Variants in CHL1 observed in about 807,000 individuals in gnomAD.
CHL1 encodes cell adhesion molecule L1 like.
In CHL1, 96 loss-of-function variants were observed where a neutral mutation model predicts 141.9. The ratio of observed to expected loss-of-function variants is 0.68; its 90% confidence interval spans 0.57 to 0.80. CHL1 has a LOEUF of 0.80. CHL1 is among the 30% of genes least tolerant of loss of function. The pLI, the probability that CHL1 is intolerant of heterozygous loss-of-function variation, is 0.00. For missense variants in CHL1, 1,820 were observed against 1,457.2 expected (o/e 1.25, Z -4.05); for synonymous variants, 613 against 502.2 (o/e 1.22, Z -2.95).
chr3:368,720 G>A (rs2217699), intron 15 of CHL1, among the ~76,000 whole-genome samples: 1 of 151,970 alleles, frequency 6.6e-6, no homozygotes, highest in Non-Finnish European at 1.5e-5. Flanking sequence ...GTTTTTAATG[G>A]TTTTGGGTTT....
chr3:312,533 A>G (rs929203700), intron 2 of CHL1, among the ~76,000 whole-genome samples: 1 of 152,204 alleles, frequency 6.6e-6, no homozygotes, highest in Admixed American at 6.5e-5. Flanking sequence ...TCAGCTTCAC[A>G]ATGTTGAGTG....
chr3:355,722 G>A (rs780963805), intron 11 of CHL1, among the ~76,000 whole-genome samples: 16 of 152,008 alleles, frequency 1.1e-4, no homozygotes, highest in South Asian at 2.1e-4. Context: ...CCAAGCTTAC[G>A]TTTTTTAAAC....
intron 15 of CHL1, among the ~76,000 whole-genome samples, chr3:368,915 G>A (rs1160129587): frequency 1.3e-5 from 2 of 152,056 alleles, no homozygotes; most frequent in Non-Finnish European, 2.9e-5. Context: ...GATGTGTGGT[G>A]TTATTTTTGA....
chr3:354,778 T>G lies in CHL1; in HGVS notation c.1165+7T>G. 6.2e-7 allele frequency: 1 copy of G among 1,613,168 alleles called. No individual in the cohort carries two copies. Among genetic ancestry groups the G allele is most frequent in the Non-Finnish European group, 8.5e-7 (1 of 1,179,518 alleles). Reference sequence around the variant, plus strand: ...AATGGCTCCCCAGTTGACAGTAAGTTTAAAAACCAATTGCAATGCAATGCT... The same window carrying G: ...AATGGCTCCCCAGTTGACAGTAAGTGTAAAAACCAATTGCAATGCAATGCT... On this transcript the variant is annotated splice_region_variant and intron_variant, in intron 11 of 27. Coordinates refer to ENST00000256509, the MANE Select transcript of CHL1 (RefSeq NM_006614.4).
At chr3:384,023 A>G in intron 19 of CHL1, 137 bp downstream of exon 19, 1 of 550,212 alleles carries the variant, frequency 1.8e-6, no homozygotes, top group Non-Finnish European at 3.2e-6. Flanking sequence ...CTTGTGAGTC[A>G]TCATCACAAA....
chr3:302,524 G>T (rs1275397197), intron 2 of CHL1, among the ~76,000 whole-genome samples: 1 of 152,124 alleles, frequency 6.6e-6, no homozygotes, highest in Non-Finnish European at 1.5e-5. Context: ...TCATATGTCT[G>T]TTGGCTGCAT....
intron 14 of CHL1, among the ~76,000 whole-genome samples, chr3:364,917 G>T (rs1704678471): frequency 6.6e-6 from 1 of 152,114 alleles, no homozygotes; most frequent in African/African-American, 2.4e-5. Context: ...ATAGAGAAGT[G>T]TTTATTAAAT....
At chr3:314,329 GTATATATATATATATATATA>G (rs56292297) in intron 2 of CHL1, among the ~76,000 whole-genome samples, 22 of 65,336 alleles carry the variant, frequency 3.4e-4, no homozygotes, top group Admixed American at 1.4e-3. Context: ...CTCTCTATGT[GTATATATATATATATATATA>G]TATATATATA....
chr3:225,814 C>T (rs1187199583), intron 1 of CHL1, among the ~76,000 whole-genome samples: 1 of 151,936 alleles, frequency 6.6e-6, no homozygotes, highest in Non-Finnish European at 1.5e-5. Flanking sequence ...TTGAGGCCAT[C>T]CTGGCTAACT....
intron 2 of CHL1, among the ~76,000 whole-genome samples, chr3:277,414 A>T (rs1350955075): frequency 6.6e-6 from 1 of 152,224 alleles, no homozygotes; most frequent in East Asian, 1.9e-4. Flanking sequence ...CTATATCTGT[A>T]AATACACATA....
intron 1 of CHL1, among the ~76,000 whole-genome samples, chr3:218,215 C>T (rs1411153570): frequency 6.6e-6 from 1 of 152,152 alleles, no homozygotes; most frequent in African/African-American, 2.4e-5. Flanking sequence ...TTGTGAGCTT[C>T]TGGATTGGAT....
At chr3:197,470 G>C (rs942555255) in intron 1 of CHL1, 1 of 163,846 alleles carries the variant, frequency 6.1e-6, no homozygotes, top group Admixed American at 6.0e-5. Flanking sequence ...CTCTCGGGTG[G>C]GGCTCCGAGG....
chr3:315,606 T>G (rs1220712429), intron 2 of CHL1, among the ~76,000 whole-genome samples: 1 of 152,086 alleles, frequency 6.6e-6, no homozygotes, highest in African/African-American at 2.4e-5. Context: ...GGCAAAGAAT[T>G]TTATTTCCTT....
intron 1 of CHL1, among the ~76,000 whole-genome samples, chr3:206,420 C>T (rs563996409): frequency 6.6e-5 from 10 of 151,774 alleles, no homozygotes; most frequent in African/African-American, 9.7e-5. Flanking sequence ...GAGCCTAGAT[C>T]GCACCACTGC....
intron 2 of CHL1, among the ~76,000 whole-genome samples, chr3:313,429 A>T (rs943222439): frequency 1.3e-5 from 2 of 152,176 alleles, no homozygotes; most frequent in African/African-American, 4.8e-5. Context: ...CTCTTTTTTT[A>T]AATTCCAGCA....
intron 1 of CHL1, among the ~76,000 whole-genome samples, chr3:234,981 C>CT (rs1309154713): frequency 1.6e-5 from 2 of 126,260 alleles, no homozygotes. Flanking sequence ...ATTTATAATT[C>CT]TTTTTTTATT....
At chr3:205,694 T>C (rs776289249) in intron 1 of CHL1, among the ~76,000 whole-genome samples, 26 of 152,160 alleles carry the variant, frequency 1.7e-4, no homozygotes, top group Non-Finnish European at 2.9e-4. Flanking sequence ...CTATGAGGCA[T>C]TGTGACCAGT....
At chr3:268,893 CAGA>C (rs1312867561) in intron 2 of CHL1, among the ~76,000 whole-genome samples, 1 of 152,196 alleles carries the variant, frequency 6.6e-6, no homozygotes, top group Non-Finnish European at 1.5e-5. Context: ...AGAGCTCAAT[CAGA>C]TGGCAAAATA....
chr3:232,768 A>T (rs1701980630), intron 1 of CHL1, among the ~76,000 whole-genome samples: 1 of 152,040 alleles, frequency 6.6e-6, no homozygotes, highest in African/African-American at 2.4e-5. Context: ...AAAAAAAATG[A>T]AGAAAGAGAC....
Sources: allele counts gnomAD v4.1 joint callset (sites outside exome capture counted in the v4.1 genomes callset), GRCh38; gene constraint gnomAD v4.1.1; transcripts MANE v1.5; gene names NCBI Gene and HGNC (gene_info 2026-07-23, HGNC 2026-07-21).